Variants in N4BP2L2 observed in about 807,000 individuals in gnomAD.
N4BP2L2 encodes the protein NEDD4 binding protein 2 like 2.
N4BP2L2 carries 50 observed loss-of-function variants against 56.2 expected under a neutral mutation model. The ratio of observed to expected loss-of-function variants is 0.89; its 90% CI spans 0.71 to 1.13. N4BP2L2 has a LOEUF of 1.13. N4BP2L2 is among the 50% of genes most tolerant of loss of function. The pLI, the probability that N4BP2L2 is intolerant of heterozygous loss-of-function variation, is 0.00. For missense variants in N4BP2L2, 689 were observed against 693.8 expected (o/e 0.99, Z 0.08); for synonymous variants, 203 against 223.6 (o/e 0.91, Z 0.82).
chr13:32,443,893 A>G, exon 7 of N4BP2L2: 1 of 1,569,398 alleles, frequency 6.4e-7, no homozygotes, highest in East Asian at 2.3e-5. Flanking sequence ...AAAATCTCCG[A>G]CTTCATTTTG....
At chr13:32,503,172 CAAAAAAA>C (rs35773755) in intron 6 of N4BP2L2, among the ~76,000 whole-genome samples, 42 of 57,996 alleles carry the variant, frequency 7.2e-4, no homozygotes, top group South Asian at 3.7e-3. Flanking sequence ...GACTCTGTAG[CAAAAAAA>C]AAAAAAAAAA....
At chr13:32,443,703 C>A (rs2076645037) in exon 7 of N4BP2L2, 6 of 1,591,722 alleles carry the variant, frequency 3.8e-6, no homozygotes, top group Non-Finnish European at 4.3e-6. Flanking sequence ...GGTTTTGAGT[C>A]AGTATTGGAC....
At chr13:32,496,586 T>G (rs1344354289) in intron 6 of N4BP2L2, among the ~76,000 whole-genome samples, 1 of 152,244 alleles carries the variant, frequency 6.6e-6, no homozygotes, top group South Asian at 2.1e-4. Flanking sequence ...TCCTTTGACA[T>G]GTTTTCCATG....
At chr13:32,455,459 C>T (rs948936729) in intron 6 of N4BP2L2, among the ~76,000 whole-genome samples, 31 of 152,210 alleles carry the variant, frequency 2.0e-4, no homozygotes, top group African/African-American at 6.0e-4. Flanking sequence ...TTGCAGCTGC[C>T]ACTGCTGCTG....
exon 5 of N4BP2L2, chr13:32,521,432 G>A (rs1350545555): frequency 6.2e-7 from 1 of 1,611,918 alleles, no homozygotes; most frequent in Admixed American, 1.7e-5. Context: ...ACTCTACTCT[G>A]TATCCTTTTC....
At chr13:32,485,361 T>C (rs567707235) in intron 6 of N4BP2L2, among the ~76,000 whole-genome samples, 1 of 152,230 alleles carries the variant, frequency 6.6e-6, no homozygotes, top group South Asian at 2.1e-4. Context: ...GTGAACGCTA[T>C]CAAACATTTA....
intron 6 of N4BP2L2, among the ~76,000 whole-genome samples, chr13:32,470,362 C>T (rs1010705781): frequency 9.9e-5 from 15 of 152,122 alleles, no homozygotes; most frequent in Non-Finnish European, 2.9e-5. Context: ...CGGGAATGCC[C>T]CTCTTGCCTG....
chr13:32,492,272 A>ATTTTTTTTTTTTTTTTTTTTT (rs1185615708), intron 6 of N4BP2L2, among the ~76,000 whole-genome samples: 5 of 77,038 alleles, frequency 6.5e-5, no homozygotes, highest in African/African-American at 2.3e-4. Flanking sequence ...AAAACACCAA[A>ATTTTTTTTTTTTTTTTTTTTT]ATTTTTTTTT....
At chr13:32,459,593 C>G (rs759286253) in intron 6 of N4BP2L2, among the ~76,000 whole-genome samples, 1 of 151,924 alleles carries the variant, frequency 6.6e-6, no homozygotes, top group African/African-American at 2.4e-5. Context: ...CATAAAAAAC[C>G]TGAACAGACC....
At chr13:32,520,280 G>C (rs1418231328) in intron 5 of N4BP2L2, among the ~76,000 whole-genome samples, 1 of 151,964 alleles carries the variant, frequency 6.6e-6, no homozygotes, top group Non-Finnish European at 1.5e-5. Context: ...GAATTGTAAG[G>C]GTACGTGAAT....
intron 6 of N4BP2L2, among the ~76,000 whole-genome samples, chr13:32,458,422 G>GC (rs1566055970): frequency 6.6e-6 from 1 of 152,058 alleles, no homozygotes; most frequent in Non-Finnish European, 1.5e-5. Flanking sequence ...CATTTCTCCT[G>GC]TAGAAACACA....
chr13:32,434,226 G>C (rs2075186227), intron 9 of N4BP2L2, among the ~76,000 whole-genome samples: 1 of 146,804 alleles, frequency 6.8e-6, no homozygotes, highest in Admixed American at 6.8e-5. Context: ...ACAGGTGTGT[G>C]CCACCACATT....
intron 7 of N4BP2L2, among the ~76,000 whole-genome samples, chr13:32,439,678 A>C (rs1336296787): frequency 1.3e-5 from 2 of 152,072 alleles, no homozygotes; most frequent in African/African-American, 4.8e-5. Flanking sequence ...CTTTGAAAAA[A>C]ATTGGTATGT....
chr13:32,507,357 A>C (rs1305710700), downstream of N4BP2L2: 1 of 152,128 alleles, frequency 6.6e-6, no homozygotes, highest in African/African-American at 2.4e-5. Flanking sequence ...TTTGGGGGTC[A>C]ATATTGTTAA....
exon 6 of N4BP2L2, chr13:32,510,843 C>T (rs958147516): frequency 6.6e-6 from 1 of 152,002 alleles, no homozygotes; most frequent in Non-Finnish European, 1.5e-5. Flanking sequence ...TATAAATGGC[C>T]TCTTGAAGAT....
At chr13:32,480,925 C>A (rs932158564) in intron 6 of N4BP2L2, among the ~76,000 whole-genome samples, 1 of 151,582 alleles carries the variant, frequency 6.6e-6, no homozygotes, top group Non-Finnish European at 1.5e-5. Context: ...TCAAGACCAG[C>A]CTGGCCAACA....
intron 7 of N4BP2L2, among the ~76,000 whole-genome samples, chr13:32,439,007 C>A (rs141424330): frequency 6.6e-6 from 1 of 152,206 alleles, no homozygotes; most frequent in African/African-American, 2.4e-5. Context: ...CCAAACAAAT[C>A]GCTTCGTAGC....
intron 7 of N4BP2L2, among the ~76,000 whole-genome samples, chr13:32,442,025 G>A (rs1395577320): frequency 1.3e-5 from 2 of 152,210 alleles, no homozygotes; most frequent in Non-Finnish European, 2.9e-5. Flanking sequence ...GCAGTGAGCC[G>A]AGATCACGCC....
At chr13:32,512,940 G>C (rs2048429996) in exon 6 of N4BP2L2, 1 of 152,098 alleles carries the variant, frequency 6.6e-6, no homozygotes, top group Admixed American at 6.5e-5. Flanking sequence ...GCTGAGGCAG[G>C]AGAATGGCGT....
Sources: allele counts gnomAD v4.1 joint callset (sites outside exome capture counted in the v4.1 genomes callset), GRCh38; gene constraint gnomAD v4.1.1; transcripts MANE v1.5; gene names NCBI Gene and HGNC (gene_info 2026-07-23, HGNC 2026-07-21).